RAMP1: variants seen among roughly 807,000 people sequenced by gnomAD.
RAMP1 encodes receptor activity modifying protein 1.
Under a neutral mutation model 8.2 loss-of-function variants are expected in RAMP1, and 7 were observed. That is an observed-to-expected ratio of 0.85 (90% CI 0.49 to 1.60). The LOEUF is 1.60. Ranked by LOEUF, RAMP1 falls within the 40% of genes most tolerant of loss-of-function variation. The probability of loss-of-function intolerance (pLI) is 0.00; values close to 1 mark genes in which losing one functional copy is unlikely to be tolerated. For synonymous variants in RAMP1, 92 were observed against 84.7 expected (o/e 1.09, Z -0.47); for missense variants, 192 against 202.4 (o/e 0.95, Z 0.31).
At chr2:237,885,352 C>T (rs2062417390) in intron 2 of RAMP1, among the ~76,000 whole-genome samples, 1 of 152,132 alleles carries the variant, frequency 6.6e-6, no homozygotes, top group Non-Finnish European at 1.5e-5. Context: ...GCCCGGAGGC[C>T]TGGCCCTGGA....
At chr2:237,863,192 G>A (rs987410684) in intron 1 of RAMP1, among the ~76,000 whole-genome samples, 31 of 148,484 alleles carry the variant, frequency 2.1e-4, no homozygotes, top group African/African-American at 7.2e-4. Context: ...TGGGAGCTGG[G>A]AAGGGGACAG....
At chr2:237,887,622 A>G (rs1559945825) in intron 2 of RAMP1, among the ~76,000 whole-genome samples, 1 of 152,210 alleles carries the variant, frequency 6.6e-6, no homozygotes, top group Non-Finnish European at 1.5e-5. Flanking sequence ...CTCGAGTTAA[A>G]GCCATTTCCT....
At position 237,912,070 on chromosome 2, in the gene RAMP1, G is replaced by T; in HGVS notation, c.*287G>T. On this transcript the variant is annotated 3_prime_UTR_variant, in exon 3 of 3. Transcript: ENST00000254661. ...CTGCTTACCCCATAGCCACATTTGT[G>T]GATGAGTGGTTTGTGATTAAAAGGG... The T allele has an allele frequency of 2.2e-6, 1 of 459,620 alleles. No homozygotes were observed. The highest frequency in any genetic ancestry group is 3.9e-6 in the Non-Finnish European group (1 of 256,548). 28.5% of individuals were successfully genotyped at this position (459,620 alleles called of 1,614,324 possible).
intron 2 of RAMP1, among the ~76,000 whole-genome samples, chr2:237,901,121 G>A (rs1258093791): frequency 1.3e-5 from 2 of 152,248 alleles, no homozygotes; most frequent in Non-Finnish European, 2.9e-5. Flanking sequence ...CCCCACTGAT[G>A]GCCCTTCTCA....
rs1014948414 is a variant in RAMP1 at position 237,903,796 on chromosome 2, G to A, written c.192-7732G>A. ...TGCAACCTCCACCTCCCAGGTCCAC[G>A]CCATTCTCCTGCCTTAGCCTCCCGA... On this transcript the variant is annotated intron_variant, in intron 2 of 2. Coordinates refer to ENST00000254661, the MANE Select transcript of RAMP1 (RefSeq NM_005855.4). Among the ~76,000 whole-genome samples, 8 of 152,306 alleles carry A rather than the reference G, an allele frequency of 5.3e-5. No individual in the cohort carries two copies. The South Asian group carries it at 8.3e-4, about 16-fold the overall frequency.
At position 237,877,480 on chromosome 2, in the gene RAMP1, T is replaced by G; in HGVS notation, c.191+118T>G. The G allele has an allele frequency of 7.2e-7, 1 of 1,379,742 alleles. No individual in the cohort carries two copies. The highest frequency in any genetic ancestry group is 9.7e-7 in the Non-Finnish European group (1 of 1,034,666). 85.5% of individuals were successfully genotyped at this position (1,379,742 alleles called of 1,614,324 possible). Reference sequence around the variant, plus strand: ...TCCTTTCTAGACCCCGGAAGGGTTCTTCCCCCAGTGGGGGGGGCCGGGATG... The same window carrying G: ...TCCTTTCTAGACCCCGGAAGGGTTCGTCCCCCAGTGGGGGGGGCCGGGATG... On this transcript the variant is annotated intron_variant, in intron 2 of 2. Coordinates refer to ENST00000254661, the MANE Select transcript of RAMP1 (RefSeq NM_005855.4). This position sits in a 1 kb window ranked among gnomAD's most constrained non-coding sequence, Gnocchi z 4.4.
rs1338117430 is a variant in RAMP1 at position 237,911,888 on chromosome 2, GC to G, written c.*111del. On this transcript the variant is annotated 3_prime_UTR_variant, in exon 3 of 3. Coordinates refer to ENST00000254661, the MANE Select transcript of RAMP1 (RefSeq NM_005855.4). ...CCTTGGGACAGAGCAGGCCCACAAT[GC>G]CCCCCTTCTTCCAGCCAAGAAGAGC... is the stretch of plus-strand genomic sequence containing the variant. The G allele has an allele frequency of 3.5e-6, 5 of 1,430,636 alleles. No homozygotes were observed. In the South Asian group the frequency reaches 7.1e-5, roughly 20 times the overall value. 88.6% of individuals were successfully genotyped at this position (1,430,636 alleles called of 1,614,324 possible). A position where few individuals can be genotyped will look rare whatever the true frequency, so the allele number is the denominator to read the frequency against.
chr2:237,895,732 C>G (rs1027453829), intron 2 of RAMP1, among the ~76,000 whole-genome samples: 3 of 80 alleles, frequency 0.037, no homozygotes, highest in African/African-American at 0.19. Flanking sequence ...TTTGGGCCGG[C>G]TGGCTGGGGC....
At chr2:237,910,464 G>C (rs901885428) in intron 2 of RAMP1, among the ~76,000 whole-genome samples, 25 of 149,680 alleles carry the variant, frequency 1.7e-4, no homozygotes, top group African/African-American at 5.4e-4. Context: ...GTCACACACA[G>C]AGAATAACAG....
rs563260694 is a variant in RAMP1, at chr2:237,892,399, C to T, written c.191+15037C>T. 5.3e-5 allele frequency among the ~76,000 whole-genome samples: 8 copies of T among 151,536 alleles called. No individual in the cohort carries two copies. In the South Asian group the frequency reaches 1.7e-3, roughly 32 times the overall value. On this transcript the variant is annotated intron_variant, in intron 2 of 2. Coordinates refer to ENST00000254661, the MANE Select transcript of RAMP1 (RefSeq NM_005855.4). ...TCAGCCTCCCAAGTAGCTGGAACTA[C>T]AGGCATGCACCACATCATCTGCCTA...
chr2:237,883,947 G>T (rs1183825148), intron 2 of RAMP1, among the ~76,000 whole-genome samples: 1 of 137,666 alleles, frequency 7.3e-6, no homozygotes, highest in East Asian at 2.1e-4. Context: ...GCGCATTCAG[G>T]GTTTGTAGCC....
Position 237,911,725 on chromosome 2 carries a change from C to T in RAMP1, c.389C>T (p.Thr130Ile). The change falls in exon 3 of 3, where the codon ACC becomes ATC. Residue 130 changes from threonine (T) to isoleucine (I), a missense_variant. Transcript: ENST00000254661. Reference sequence around the variant, plus strand: ...TTCATCGTGGTCCCCATCACGGTGACCCTGCTGGTGACGGCACTGGTGGTC... The same window carrying T: ...TTCATCGTGGTCCCCATCACGGTGATCCTGCTGGTGACGGCACTGGTGGTC... ...YPFIVVPITVTLLVTALVVWQ... is the reference protein window; with the variant it reads ...YPFIVVPITVILLVTALVVWQ... The T allele has an allele frequency of 6.2e-7, 1 of 1,613,680 alleles. No homozygotes were observed.
intron 2 of RAMP1, among the ~76,000 whole-genome samples, chr2:237,899,673 G>A (rs1002038697): frequency 6.6e-6 from 1 of 152,222 alleles, no homozygotes; most frequent in Non-Finnish European, 1.5e-5. Flanking sequence ...CATCTGTTCC[G>A]TCCGTGTGCG....
intron 2 of RAMP1, among the ~76,000 whole-genome samples, chr2:237,880,841 C>T (rs901773735): frequency 2.0e-5 from 3 of 152,234 alleles, no homozygotes; most frequent in African/African-American, 7.2e-5. Context: ...CCAAATACCC[C>T]CACAGTGACC....
chr2:237,859,910 G>T (rs952756678), intron 1 of RAMP1, 183 bp downstream of exon 1: 5 of 544,816 alleles, frequency 9.2e-6, no homozygotes, highest in Non-Finnish European at 1.2e-5. Context: ...CCAGGGCACA[G>T]GGGAGGCGGA....
intron 1 of RAMP1, among the ~76,000 whole-genome samples, chr2:237,863,798 C>T (rs532247613): frequency 9.1e-4 from 139 of 151,970 alleles, no homozygotes; most frequent in African/African-American, 2.2e-4. Context: ...CCCCGTGCTC[C>T]GAGAGTGCTT....
chr2:237,900,412 C>T (rs781313014), intron 2 of RAMP1, among the ~76,000 whole-genome samples: 13 of 152,144 alleles, frequency 8.5e-5, no homozygotes, highest in Non-Finnish European at 1.8e-4. Context: ...CTGCCCACCT[C>T]GGCCTCCCAA....
chr2:237,884,822 A>ACTGCGGACCCTGCCCTGCC (rs913120318), intron 2 of RAMP1, among the ~76,000 whole-genome samples: 1 of 152,216 alleles, frequency 6.6e-6, no homozygotes, highest in Non-Finnish European at 1.5e-5. Flanking sequence ...CGAGGCTGTC[A>ACTGCGGACCCTGCCCTGCC]CTGCGGACCC....
intron 1 of RAMP1, among the ~76,000 whole-genome samples, chr2:237,866,751 C>T (rs1218711646): frequency 1.3e-5 from 2 of 149,526 alleles, no homozygotes; most frequent in East Asian, 3.9e-4. Context: ...TTTTTTGAGA[C>T]TGAGTCTCCC....
Sources: gnomAD v4.1 joint callset for allele counts (sites outside exome capture counted in the v4.1 genomes callset) on GRCh38, gnomAD v4.1.1 for gene constraint, Gnocchi (gnomAD v3.1) non-coding constraint, MANE v1.5 for transcripts, NCBI Gene and HGNC (gene_info 2026-07-23, HGNC 2026-07-21) for gene names.